Variants in EPB41 observed in about 807,000 individuals in gnomAD.
The protein encoded by EPB41 is protein 4.1.
A neutral mutation model predicts 108.0 loss-of-function variants in EPB41; 65 were observed. That is an observed-to-expected ratio of 0.60 (90% CI 0.49 to 0.74). The LOEUF (loss-of-function observed/expected upper bound fraction) is 0.74. Ranked by LOEUF, EPB41 falls within the 30% of genes least tolerant of loss-of-function variation. The probability of loss-of-function intolerance (pLI) is 0.00; values close to 1 mark genes in which losing one functional copy is unlikely to be tolerated. For missense variants in EPB41, 875 were observed against 1,037.0 expected, an observed-to-expected ratio of 0.84 and a Z score of 2.15; for synonymous variants, 336 against 358.9, an observed-to-expected ratio of 0.94 and a Z score of 0.72.
intron 17 of EPB41, among the ~76,000 whole-genome samples, chr1:29,107,627 C>A (rs1299438105): frequency 6.6e-6 from 1 of 151,660 alleles, no homozygotes; most frequent in Non-Finnish European, 1.5e-5. Context: ...TGGAGGTGGG[C>A]GGTTCACGAA....
In EPB41 at chr1:29,058,587, A is replaced by G. The variant is rs1354573827; in HGVS notation, c.1846-2A>G. 3 of 1,613,210 alleles carry G rather than the reference A, an allele frequency of 1.9e-6. No homozygotes were observed. Among genetic ancestry groups the G allele is most frequent in the Non-Finnish European group, 1.7e-6 (2 of 1,179,422 alleles). ...TTTACTACTTTTATTTCTTAAATGT[A>G]GGTGGAAAAAACCCACATCGAGGTG... On this transcript the variant is annotated splice_acceptor_variant, in intron 12 of 20. Coordinates refer to ENST00000343067, the MANE Select transcript of EPB41 (RefSeq NM_001376013.1). LOFTEE classifies it high-confidence loss of function.
intron 2 of EPB41, among the ~76,000 whole-genome samples, chr1:28,992,243 C>G (rs1332657055): frequency 6.6e-6 from 1 of 152,088 alleles, no homozygotes; most frequent in Non-Finnish European, 1.5e-5. Context: ...TAATTAATTT[C>G]TTTTTCCTAA....
intron 16 of EPB41, among the ~76,000 whole-genome samples, chr1:29,079,974 C>G (rs1053759004): frequency 6.6e-6 from 1 of 151,370 alleles, no homozygotes; most frequent in Non-Finnish European, 1.5e-5. Context: ...CCAGCCTGGG[C>G]GACAAGAGCA....
chr1:28,890,909 A>G (rs2090046162), intron 1 of EPB41: 5 of 985,386 alleles, frequency 5.1e-6, no homozygotes, highest in Middle Eastern at 5.2e-4. Context: ...TTACCTGTGG[A>G]ACTGTTTGAC....
chr1:28,983,677 A>G (rs1422265433), intron 1 of EPB41, among the ~76,000 whole-genome samples: 2 of 152,206 alleles, frequency 1.3e-5, no homozygotes, highest in Non-Finnish European at 2.9e-5. Flanking sequence ...TGGTGCTTGC[A>G]GTACTCAAGG....
intron 1 of EPB41, among the ~76,000 whole-genome samples, chr1:28,889,371 G>C (rs146828220): frequency 2.2e-4 from 34 of 152,314 alleles, no homozygotes; most frequent in African/African-American, 7.7e-4. Context: ...GGGTGTATGG[G>C]TGATACTCAT....
At chr1:28,911,132 T>G (rs1212299829), upstream of EPB41, 3 of 985,300 alleles carry the variant, frequency 3.0e-6, no homozygotes, top group Admixed American at 1.2e-4. Flanking sequence ...ACCTTCATAT[T>G]AGGCATTACT....
In EPB41 at chr1:29,016,946, A is replaced by T. The variant is rs368957641; in HGVS notation, c.905+1179A>T. On this transcript the variant is annotated intron_variant, in intron 6 of 20. Transcript: ENST00000343067. ...ATCTCTCAAATAAGAGAATAGACTA[A>T]CCTCTTTAAAAATCTGATTATTAAG... Among the ~76,000 whole-genome samples, 12 of 152,290 alleles carry T rather than the reference A, an allele frequency of 7.9e-5. 1 individual carries two copies. In the East Asian group the frequency reaches 1.2e-3, roughly 15 times the overall value.
upstream of EPB41, among the ~76,000 whole-genome samples, chr1:28,909,961 A>G (rs1339458975): frequency 6.6e-6 from 1 of 151,980 alleles, no homozygotes; most frequent in Non-Finnish European, 1.5e-5. Flanking sequence ...GCATGCCTGT[A>G]GTCCCAGCTA....
chr1:29,107,290 G>T (rs541579110), intron 17 of EPB41, among the ~76,000 whole-genome samples: 76 of 152,290 alleles, frequency 5.0e-4, no homozygotes, highest in African/African-American at 1.7e-3. Context: ...TACTGTCTGA[G>T]TGGGGACCCA....
intron 1 of EPB41, among the ~76,000 whole-genome samples, chr1:28,954,936 A>G (rs2094885707): frequency 6.6e-6 from 1 of 152,228 alleles, no homozygotes; most frequent in Non-Finnish European, 1.5e-5. Flanking sequence ...AGCTATTATA[A>G]ATCAGTACAT....
chr1:28,967,737 A>T (rs2095395495), intron 1 of EPB41, among the ~76,000 whole-genome samples: 1 of 149,892 alleles, frequency 6.7e-6, no homozygotes, highest in South Asian at 2.1e-4. Context: ...TTCTAAGTAG[A>T]TGGGATTACA....
At chr1:29,008,839 A>G (rs2096454412) in intron 4 of EPB41, among the ~76,000 whole-genome samples, 1 of 152,144 alleles carries the variant, frequency 6.6e-6, no homozygotes, top group Non-Finnish European at 1.5e-5. Flanking sequence ...TATTGCAGTC[A>G]CTTTTATACT....
At chr1:29,105,358 C>A (rs187560885) in intron 17 of EPB41, among the ~76,000 whole-genome samples, 1 of 152,260 alleles carries the variant, frequency 6.6e-6, no homozygotes, top group East Asian at 1.9e-4. Context: ...CTGCCTCAGC[C>A]TCCTGAGTAG....
intron 15 of EPB41, among the ~76,000 whole-genome samples, chr1:29,061,374 A>G (rs60838760): frequency 0.12 from 18,694 of 151,954 alleles, 1,588 homozygotes; most frequent in African/African-American, 0.25. Flanking sequence ...GGTTCACGCC[A>G]TTCTGCTGCC....
intron 1 of EPB41, among the ~76,000 whole-genome samples, chr1:28,905,495 C>CAAAA (rs776733764): frequency 7.3e-6 from 1 of 137,192 alleles, no homozygotes; most frequent in African/African-American, 2.6e-5. Context: ...GACTATGTCT[C>CAAAA]AAAAAAAAAA....
At chr1:28,967,688 C>A (rs544758706) in intron 1 of EPB41, among the ~76,000 whole-genome samples, 2 of 152,094 alleles carry the variant, frequency 1.3e-5, no homozygotes, top group Non-Finnish European at 2.9e-5. Context: ...TGACTGCAAC[C>A]TCCACCTCCT....
At chr1:29,068,652 T>TGG (rs1649660552) in intron 16 of EPB41, 3 of 869,538 alleles carry the variant, frequency 3.5e-6, no homozygotes, top group Admixed American at 4.3e-5. Context: ...TTCCATTCTC[T>TGG]GGGGATACCT....
At chr1:28,975,516 C>T (rs2095583057) in intron 1 of EPB41, among the ~76,000 whole-genome samples, 1 of 152,166 alleles carries the variant, frequency 6.6e-6, no homozygotes, top group Admixed American at 6.6e-5. Context: ...TCTCTAGCCT[C>T]TTCTGCCTCC....
Sources: allele counts gnomAD v4.1 joint callset (sites outside exome capture counted in the v4.1 genomes callset), GRCh38; gene constraint gnomAD v4.1.1; transcripts MANE v1.5; gene names NCBI Gene and HGNC (gene_info 2026-07-23, HGNC 2026-07-21).